The following RBMS3 variants were observed in gnomAD, a reference collection of about 807,000 sequenced individuals.
RBMS3 encodes RNA binding motif single stranded interacting protein 3, also known as RNA-binding motif, single-stranded-interacting protein 3.
Under a neutral mutation model 66.8 loss-of-function variants are expected in RBMS3, and 27 were observed. The observed-to-expected ratio is 0.40, with a 90% CI of 0.30 to 0.56. The LOEUF is 0.56. Among genes scored for constraint, RBMS3 ranks in the 20% least tolerant of loss-of-function variants. The pLI is 0.40. For missense variants in RBMS3, 513 were observed against 549.5 expected, an observed-to-expected ratio of 0.93 and a Z score of 0.66; for synonymous variants, 188 against 183.0, an observed-to-expected ratio of 1.03 and a Z score of -0.22.
Position 29,488,495 on chromosome 3 carries a change from C to T in RBMS3, c.303C>T (p.Cys101=). 2 of 1,610,872 alleles carry T rather than the reference C, an allele frequency of 1.2e-6. No individual in the cohort carries two copies. The highest frequency in any genetic ancestry group is 1.3e-5 in the African/African-American group (1 of 74,892). ...TTCTTGACAAAAACACAAATCAGTG[C>T]AAAGGTATGTGTAAGGGCATCCGTA... ...KAILDKNTNQ[C]KGYGFVDFDS... is the part of the protein sequence containing the mutation. Residue 101 remains cysteine (C), a synonymous_variant, in exon 3 of 15, where the codon TGC becomes TGT. Coordinates refer to ENST00000383767, the MANE Select transcript of RBMS3 (RefSeq NM_001003793.3).
intron 4 of RBMS3, among the ~76,000 whole-genome samples, chr3:29,702,620 G>A (rs916909262): frequency 3.9e-5 from 6 of 152,100 alleles, no homozygotes; most frequent in African/African-American, 1.2e-4. Flanking sequence ...TGAGGCCAGC[G>A]AGACCACAAA....
chr3:29,654,591 C>T (rs9813943), intron 4 of RBMS3, among the ~76,000 whole-genome samples: 33,438 of 135,626 alleles, frequency 0.25, 4,257 homozygotes, highest in East Asian at 0.38. Flanking sequence ...ATGTATTTGA[C>T]TTTTAAACTT....
At chr3:29,294,713 C>G (rs17023199) in intron 1 of RBMS3, among the ~76,000 whole-genome samples, 3,748 of 151,800 alleles carry the variant, frequency 0.025, 176 homozygotes, top group African/African-American at 0.086. Flanking sequence ...TTGGACATAT[C>G]AGGAAACTAA....
At chr3:29,565,746 A>C (rs1398206757) in intron 3 of RBMS3, among the ~76,000 whole-genome samples, 1 of 152,208 alleles carries the variant, frequency 6.6e-6, no homozygotes, top group African/African-American at 2.4e-5. Flanking sequence ...GACAATTTAG[A>C]AAAGGTAGTT....
chr3:29,938,751 C>A (rs1234850639), intron 11 of RBMS3, among the ~76,000 whole-genome samples: 1 of 151,940 alleles, frequency 6.6e-6, no homozygotes, highest in East Asian at 1.9e-4. Context: ...GGAATCCTGG[C>A]ATCATGGAAA....
At chr3:29,582,149 T>TATAGATAGATG (rs1553625613) in intron 3 of RBMS3, among the ~76,000 whole-genome samples, 1 of 144,674 alleles carries the variant, frequency 6.9e-6, no homozygotes, top group African/African-American at 2.6e-5. Context: ...AGAATTCCAT[T>TATAGATAGATG]ATAGATAGAT....
intron 12 of RBMS3, among the ~76,000 whole-genome samples, chr3:29,960,367 T>G (rs1489852770): frequency 1.3e-5 from 2 of 152,188 alleles, no homozygotes; most frequent in Non-Finnish European, 2.9e-5. Context: ...TTTGCCCCTG[T>G]GGCTTTGCAG....
chr3:29,619,117 G>A (rs2048774422), intron 4 of RBMS3, among the ~76,000 whole-genome samples: 1 of 152,018 alleles, frequency 6.6e-6, no homozygotes, highest in African/African-American at 2.4e-5. Flanking sequence ...ATGGACACAG[G>A]GAGGGGAAAG....
chr3:29,990,910 T>C (rs1698820206), intron 13 of RBMS3, among the ~76,000 whole-genome samples, 172 bp from the exon 14 acceptor site: 1 of 152,234 alleles, frequency 6.6e-6, no homozygotes, highest in Admixed American at 6.5e-5. Context: ...GATGAATTAC[T>C]TAGCCCTTAT....
At chr3:29,400,509 G>A (rs1008770104) in intron 1 of RBMS3, among the ~76,000 whole-genome samples, 1 of 151,934 alleles carries the variant, frequency 6.6e-6, no homozygotes, top group Admixed American at 6.6e-5. Flanking sequence ...GGTAGTGATT[G>A]TGCAACTATG....
intron 2 of RBMS3, among the ~76,000 whole-genome samples, chr3:29,487,013 C>T (rs1209598306): frequency 6.6e-6 from 1 of 151,988 alleles, no homozygotes; most frequent in Non-Finnish European, 1.5e-5. Flanking sequence ...CTTCTCTTAT[C>T]CCTTATTTTC....
intron 3 of RBMS3, among the ~76,000 whole-genome samples, chr3:29,505,506 G>GTTTTTTT (rs749285833): frequency 3.7e-5 from 4 of 107,274 alleles, no homozygotes; most frequent in African/African-American, 1.4e-4. Flanking sequence ...CTTCAATTTT[G>GTTTTTTT]TTTTTTTTTT....
At chr3:29,569,045 C>G (rs2046843257) in intron 3 of RBMS3, among the ~76,000 whole-genome samples, 1 of 152,076 alleles carries the variant, frequency 6.6e-6, no homozygotes, top group African/African-American at 2.4e-5. Context: ...TTGTGCACTT[C>G]TAACAAGCTC....
intron 12 of RBMS3, among the ~76,000 whole-genome samples, chr3:29,951,316 G>A (rs987887384): frequency 6.6e-6 from 1 of 151,724 alleles, no homozygotes; most frequent in African/African-American, 2.4e-5. Flanking sequence ...CACACATGCA[G>A]TTTTAAACAG....
At chr3:29,606,099 C>T (rs1349648900) in intron 4 of RBMS3, among the ~76,000 whole-genome samples, 1 of 151,442 alleles carries the variant, frequency 6.6e-6, no homozygotes, top group Admixed American at 6.6e-5. Context: ...GAATCATACT[C>T]CAGTACTGTG....
intron 4 of RBMS3, among the ~76,000 whole-genome samples, chr3:29,588,479 G>A (rs181492353): frequency 1.3e-5 from 2 of 152,206 alleles, no homozygotes; most frequent in African/African-American, 4.8e-5. Context: ...CAAATAACTA[G>A]AGGTAAGATA....
chr3:29,901,254 C>G (rs770162680), intron 10 of RBMS3, among the ~76,000 whole-genome samples: 29 of 151,688 alleles, frequency 1.9e-4, no homozygotes, highest in Non-Finnish European at 1.9e-4. Flanking sequence ...AAAGACTGAG[C>G]CAACGGAGGA....
chr3:29,416,112 G>T (rs1037019071), intron 1 of RBMS3, among the ~76,000 whole-genome samples: 2 of 152,070 alleles, frequency 1.3e-5, no homozygotes, highest in East Asian at 1.9e-4. Flanking sequence ...TTTACCTTAA[G>T]TCATTTAGCT....
At chr3:29,384,726 G>A (rs1231230512) in intron 1 of RBMS3, among the ~76,000 whole-genome samples, 3 of 152,174 alleles carry the variant, frequency 2.0e-5, no homozygotes, top group African/African-American at 7.2e-5. Flanking sequence ...TGTTTCAGAG[G>A]TTTAGAGTGG....
Sources: allele counts gnomAD v4.1 joint callset (sites outside exome capture counted in the v4.1 genomes callset), GRCh38; gene constraint gnomAD v4.1.1; transcripts MANE v1.5; gene names NCBI Gene and HGNC (gene_info 2026-07-23, HGNC 2026-07-21).